BCAS3: variants seen among roughly 807,000 people sequenced by gnomAD.
BCAS3 encodes the protein BCAS4/BCAS3 fusion.
Under a neutral mutation model 116.1 loss-of-function variants are expected in BCAS3, and 53 were observed. That is an observed-to-expected ratio of 0.46 (90% confidence interval 0.37 to 0.57). The LOEUF is 0.57. Ranked by LOEUF, BCAS3 falls within the 20% of genes least tolerant of loss-of-function variation. The pLI, the probability that BCAS3 is intolerant of heterozygous loss-of-function variation, is 0.00. For synonymous variants in BCAS3, 391 were observed against 408.2 expected (o/e 0.96, Z 0.51); for missense variants, 917 against 1,165.4 (o/e 0.79, Z 3.10).
intron 22 of BCAS3, among the ~76,000 whole-genome samples, chr17:61,202,045 A>T (rs1371113863): frequency 2.2e-5 from 3 of 135,008 alleles, no homozygotes; most frequent in Non-Finnish European, 4.6e-5. Flanking sequence ...GGTGTGAGCC[A>T]CTGTGCCCGG....
chr17:60,740,428 G>A (rs61024765), intron 5 of BCAS3, among the ~76,000 whole-genome samples: 48 of 151,028 alleles, frequency 3.2e-4, no homozygotes, highest in African/African-American at 1.2e-3. Context: ...AGCCCAGGGG[G>A]GCCGAGGCAG....
chr17:61,024,264 T>A (rs2066072893), intron 16 of BCAS3, among the ~76,000 whole-genome samples: 1 of 152,218 alleles, frequency 6.6e-6, no homozygotes, highest in African/African-American at 2.4e-5. Flanking sequence ...AGTTTGTGGA[T>A]CTTCTTTTAC....
chr17:61,162,295 A>T lies in BCAS3; in HGVS notation c.2425+77731A>T, dbSNP rs544459769. On this transcript the variant is annotated intron_variant, in intron 22 of 23. Coordinates refer to ENST00000407086, the MANE Select transcript of BCAS3 (RefSeq NM_017679.5). This position sits in a 1 kb window ranked among gnomAD's most constrained non-coding sequence, Gnocchi z 5.6. ...AGTTAAGATTCCGATTCTCTGTGGG[A>T]TGGGGATAGGTAGGGAATCATTTCT... Among the ~76,000 whole-genome samples, 1 of 152,218 alleles carries T rather than the reference A, an allele frequency of 6.6e-6. No individual in the cohort carries two copies. The highest frequency in any genetic ancestry group is 2.1e-4 in the South Asian group (1 of 4,824).
At chr17:61,295,264 C>T (rs965856752) in intron 22 of BCAS3, among the ~76,000 whole-genome samples, 6 of 152,130 alleles carry the variant, frequency 3.9e-5, no homozygotes, top group East Asian at 1.9e-4. Context: ...TGGGCAGCAA[C>T]GCTTTTCATC....
chr17:61,058,952 G>A (rs1427038796), intron 19 of BCAS3, among the ~76,000 whole-genome samples: 1 of 150,986 alleles, frequency 6.6e-6, no homozygotes, highest in Non-Finnish European at 1.5e-5. Flanking sequence ...TGCTTAAGGT[G>A]AAGAATGTGA....
In BCAS3 at chr17:61,387,266, G is replaced by A. The variant is rs1006605532; in HGVS notation, c.2594-4711G>A. 6.6e-6 allele frequency among the ~76,000 whole-genome samples: 1 copy of A among 152,216 alleles called. No homozygotes were observed. Among genetic ancestry groups the A allele is most frequent in the Non-Finnish European group, 1.5e-5 (1 of 68,032 alleles). ...GCATGGGCCCATGCTGCACGGCCCA[G>A]CTCAGGAGTAGGACAAGGTGTGGGC... On this transcript the variant is annotated intron_variant, in intron 23 of 23. Coordinates refer to ENST00000407086, the MANE Select transcript of BCAS3 (RefSeq NM_017679.5). This position sits in a 1 kb window ranked among gnomAD's most constrained non-coding sequence, Gnocchi z 6.2.
Position 61,348,209 on chromosome 17 carries a change from C to T in BCAS3, c.2426-20118C>T, listed in dbSNP as rs1447143872. ...AGGACTTACTGGTCAGCTGGATGGA[C>T]GGGCGATGTTTGGGCCAATGAGAAG... On this transcript the variant is annotated intron_variant, in intron 22 of 23. Coordinates refer to ENST00000407086, the MANE Select transcript of BCAS3 (RefSeq NM_017679.5). This position sits in a 1 kb window ranked among gnomAD's most constrained non-coding sequence, Gnocchi z 4.5. 5.3e-5 allele frequency among the ~76,000 whole-genome samples: 8 copies of T among 152,202 alleles called. No individual in the cohort carries two copies. Among genetic ancestry groups the T allele is most frequent in the Non-Finnish European group, 1.2e-4 (8 of 68,014 alleles).
chr17:61,076,984 A>G (rs1225629186), intron 20 of BCAS3, among the ~76,000 whole-genome samples: 1 of 152,250 alleles, frequency 6.6e-6, no homozygotes, highest in Non-Finnish European at 1.5e-5. Flanking sequence ...CACCACAATC[A>G]GAGAAATGTG....
At position 60,910,830 on chromosome 17, in the gene BCAS3, A is replaced by G. The variant is rs1832729346; in HGVS notation, c.993+128A>G. 5 of 879,016 alleles carry G rather than the reference A, an allele frequency of 5.7e-6. No homozygotes were observed. In the South Asian group the frequency reaches 1.3e-4, roughly 23 times the overall value. The allele number at this position is 879,016 out of a possible 1,614,324, so 54.5% of individuals were successfully genotyped here. A position where few individuals can be genotyped will look rare whatever the true frequency, so the allele number is the denominator to read the frequency against. ...AATTTTAGGAATTCAGATTATTTCA[A>G]ATGAGGTTTTTCTTTAAAAATGATT... On this transcript the variant is annotated intron_variant, in intron 12 of 23. Transcript: ENST00000407086.
At chr17:61,100,201 A>G (rs905486591) in intron 22 of BCAS3, among the ~76,000 whole-genome samples, 1 of 152,212 alleles carries the variant, frequency 6.6e-6, no homozygotes, top group Admixed American at 6.5e-5. Context: ...TAGTTCTCAA[A>G]TGAATGCTTG....
At chr17:60,812,924 T>A (rs1197237780) in intron 7 of BCAS3, among the ~76,000 whole-genome samples, 2 of 152,044 alleles carry the variant, frequency 1.3e-5, no homozygotes, top group African/African-American at 2.4e-5. Context: ...TTTCTTTTTT[T>A]AAGAGATAAG....
chr17:60,894,908 T>G (rs1020781051), intron 10 of BCAS3, among the ~76,000 whole-genome samples: 1 of 152,196 alleles, frequency 6.6e-6, no homozygotes, highest in African/African-American at 2.4e-5. Context: ...GTCTCTGGAA[T>G]AAATCCCCCT....
At position 61,366,380 on chromosome 17, in the gene BCAS3, A is replaced by G. The variant is rs528653857; in HGVS notation, c.2426-1947A>G. ...ATTCATTCTAGTTTAGAGATGGAAA[A>G]GGAGCTAGAAGGACTGGCTGTGCAT... On this transcript the variant is annotated intron_variant, in intron 22 of 23. Coordinates refer to ENST00000407086, the MANE Select transcript of BCAS3 (RefSeq NM_017679.5). The surrounding 1 kb of genome is among the most constrained non-coding windows in gnomAD (Gnocchi z 4.5). 1.4e-3 allele frequency among the ~76,000 whole-genome samples: 218 copies of G among 152,320 alleles called. 1 individual carries two copies. The highest frequency in any genetic ancestry group is 5.1e-3 in the African/African-American group (211 of 41,576).
At chr17:61,314,402 C>T (rs1230517662) in intron 22 of BCAS3, among the ~76,000 whole-genome samples, 1 of 152,230 alleles carries the variant, frequency 6.6e-6, no homozygotes, top group East Asian at 1.9e-4. Flanking sequence ...CGCAGAATCC[C>T]GCCCAGCAGG....
chr17:60,802,749 C>T (rs558169453), intron 6 of BCAS3, among the ~76,000 whole-genome samples: 2 of 152,132 alleles, frequency 1.3e-5, no homozygotes, highest in Non-Finnish European at 2.9e-5. Context: ...TCAAGCGATT[C>T]TCCTGCCTCA....
intron 9 of BCAS3, among the ~76,000 whole-genome samples, chr17:60,878,007 T>C (rs1015898769): frequency 6.6e-5 from 9 of 137,108 alleles, no homozygotes; most frequent in Non-Finnish European, 1.0e-4. Context: ...TAATGTCTTT[T>C]TTTTTCTTTT....
At chr17:60,789,231 T>C (rs1057289832) in intron 6 of BCAS3, among the ~76,000 whole-genome samples, 1 of 152,222 alleles carries the variant, frequency 6.6e-6, no homozygotes, top group South Asian at 2.1e-4. Context: ...TTTATTTGCC[T>C]CTGGGTCTAT....
intron 16 of BCAS3, among the ~76,000 whole-genome samples, chr17:61,024,002 A>G (rs928675611): frequency 6.6e-6 from 1 of 152,148 alleles, no homozygotes; most frequent in African/African-American, 2.4e-5. Flanking sequence ...TTCATTCAGT[A>G]TACACTCCCA....
intron 4 of BCAS3, among the ~76,000 whole-genome samples, chr17:60,707,538 A>G (rs866649729): frequency 6.6e-6 from 1 of 152,084 alleles, no homozygotes; most frequent in African/African-American, 2.4e-5. Context: ...TCCTAATTGC[A>G]CTGTCTAGGG....
Sources: allele counts gnomAD v4.1 joint callset (sites outside exome capture counted in the v4.1 genomes callset), GRCh38; gene constraint gnomAD v4.1.1; non-coding constraint Gnocchi (gnomAD v3.1); transcripts MANE v1.5; gene names NCBI Gene and HGNC (gene_info 2026-07-23, HGNC 2026-07-21).